Variants in LRRC41 observed in about 807,000 individuals in gnomAD.
The protein encoded by LRRC41 is leucine-rich repeat-containing protein 41.
Under a neutral mutation model 72.1 loss-of-function variants are expected in LRRC41, and 17 were observed. That is an observed-to-expected ratio of 0.24 (90% CI 0.16 to 0.35). The LOEUF is 0.35. Among genes scored for constraint, LRRC41 ranks in the 10% least tolerant of loss-of-function variants. The probability of loss-of-function intolerance (pLI) is 1.00; values close to 1 mark genes in which losing one functional copy is unlikely to be tolerated. For synonymous variants in LRRC41, 427 were observed against 431.0 expected, an observed-to-expected ratio of 0.99 and a Z score of 0.11; for missense variants, 759 against 1,065.0, an observed-to-expected ratio of 0.71 and a Z score of 4.00.
rs1206825948 is a variant in LRRC41, at chr1:46,280,556, G to A, written c.1761C>T (p.Asn587=). 4 of 1,613,534 alleles carry A rather than the reference G, an allele frequency of 2.5e-6. No individual in the cohort carries two copies. The highest frequency in any genetic ancestry group is 3.3e-5 in the Admixed American group (2 of 60,002). Residue 587 remains asparagine, a synonymous_variant, in exon 6 of 10, where the codon AAC becomes AAT. Transcript: ENST00000617190. ...ATCCCATCTCCAACTGCTCCAGGCA[G>A]TTTTCTGGATATGGTGGGGAAAGAA... ...HIIGDEEIPE[N]CLEQLEMGFP... is the part of the protein sequence containing the mutation.
chr1:46,301,865 T>A, intron 1 of LRRC41: 13 of 649,136 alleles, frequency 2.0e-5, no homozygotes, highest in East Asian at 1.5e-4. Context: ...GCCTGCCACC[T>A]CTTCGCCCAA....
Position 46,278,869 on chromosome 1 carries a change from A to G in LRRC41, c.2435T>C (p.Met812Thr), listed in dbSNP as rs770724858. Reference sequence around the variant, plus strand: ...GACTGTGAGGTACGGGCCCCATCACATGGTGCTAACATAATCTGCGAAGGC... The same window carrying G: ...GACTGTGAGGTACGGGCCCCATCACGTGGTGCTAACATAATCTGCGAAGGC... Reference protein sequence around the residue: ...SQAFADYVSTM With the variant: ...SQAFADYVSTT Residue 812 changes from methionine (M) to threonine (T), a missense_variant, in exon 10 of 10, where the codon ATG (methionine) becomes ACG (threonine). Met to Thr is a moderately conservative substitution (Grantham distance 81). Around this residue, in one of 4 missense-constraint regions of LRRC41, gnomAD observed 110 missense variants for 227.0 expected, o/e 0.48. Transcript: ENST00000617190. The G allele has an allele frequency of 3.7e-6, 6 of 1,608,202 alleles. No individual in the cohort carries two copies. The highest frequency in any genetic ancestry group is 1.7e-4 in the Middle Eastern group (1 of 6,052).
At position 46,302,259 on chromosome 1, in the gene LRRC41, C is replaced by T; in HGVS notation, c.199+865G>A. 1 of 985,398 alleles carries T rather than the reference C, an allele frequency of 1.0e-6. No individual in the cohort carries two copies. The allele number at this position is 985,398 out of a possible 1,614,324, so 61.0% of individuals were successfully genotyped here. A position where few individuals can be genotyped will look rare whatever the true frequency, so the allele number is the denominator to read the frequency against. On this transcript the variant is annotated intron_variant, in intron 1 of 9. Transcript: ENST00000617190. The surrounding 1 kb of genome is among the most constrained non-coding windows in gnomAD (Gnocchi z 4.7). Reference sequence around the variant, plus strand: ...CACGGCAGCCCGGCAGTCCGGGATCCCCGGGCCGTCGCCCCGCTTGGGGCC... The same window carrying T: ...CACGGCAGCCCGGCAGTCCGGGATCTCCGGGCCGTCGCCCCGCTTGGGGCC...
intron 3 of LRRC41, among the ~76,000 whole-genome samples, chr1:46,293,046 T>C (rs1661049081): frequency 6.6e-6 from 1 of 152,112 alleles, no homozygotes; most frequent in Non-Finnish European, 1.5e-5. Context: ...TAGCTGGGCA[T>C]GGTGGCACGC....
At chr1:46,289,581 TG>T (rs1293855613) in intron 3 of LRRC41, among the ~76,000 whole-genome samples, 1 of 151,898 alleles carries the variant, frequency 6.6e-6, no homozygotes, top group African/African-American at 2.4e-5. Flanking sequence ...GCTAACACGG[TG>T]AAACCCTGTC....
At position 46,302,146 on chromosome 1, in the gene LRRC41, G is replaced by T; in HGVS notation, c.199+978C>A. 4 of 984,976 alleles carry T rather than the reference G, an allele frequency of 4.1e-6. No individual in the cohort carries two copies. The highest frequency in any genetic ancestry group is 4.8e-6 in the Non-Finnish European group (4 of 829,794). The allele number at this position is 984,976 out of a possible 1,614,324, so 61.0% of individuals were successfully genotyped here. A position where few individuals can be genotyped will look rare whatever the true frequency, so the allele number is the denominator to read the frequency against. ...CCCAGGCCGCCCTCCATCCAGGCCC[G>T]GCCCTTTGGTCCCGGCCGCCTTCAG... is the stretch of plus-strand genomic sequence containing the variant. On this transcript the variant is annotated intron_variant, in intron 1 of 9. Transcript: ENST00000617190. The surrounding 1 kb of genome is among the most constrained non-coding windows in gnomAD (Gnocchi z 4.7).
chr1:46,302,107 G>T lies in LRRC41; in HGVS notation c.199+1017C>A, dbSNP rs1661245617. ...ACTGGCCGGTTCGCCCTCCCCGGCCGTTCATCCCGGCGCCCCAGGCCGCCC... is the reference window on the plus strand; with the variant it reads ...ACTGGCCGGTTCGCCCTCCCCGGCCTTTCATCCCGGCGCCCCAGGCCGCCC... On this transcript the variant is annotated intron_variant, in intron 1 of 9. Coordinates refer to ENST00000617190, the MANE Select transcript of LRRC41 (RefSeq NM_006369.5). The surrounding 1 kb of genome is among the most constrained non-coding windows in gnomAD (Gnocchi z 4.7). 1 of 985,086 alleles carries T rather than the reference G, an allele frequency of 1.0e-6. No homozygotes were observed. The highest frequency in any genetic ancestry group is 6.2e-5 in the Admixed American group (1 of 16,254). 61.0% of individuals were successfully genotyped at this position (985,086 alleles called of 1,614,324 possible). A position where few individuals can be genotyped will look rare whatever the true frequency, so the allele number is the denominator to read the frequency against.
At position 46,293,177 on chromosome 1, in the gene LRRC41, C is replaced by T. The variant is rs1198561052; in HGVS notation, c.357+4386G>A. ...CCAGCCTGGCGACAGAGCGAGATTT[C>T]GTCTCAAAAAAAAAAAAAAATTAGT... is the stretch of plus-strand genomic sequence containing the variant. On this transcript the variant is annotated intron_variant, in intron 3 of 9. Coordinates refer to ENST00000617190, the MANE Select transcript of LRRC41 (RefSeq NM_006369.5). 4.0e-5 allele frequency among the ~76,000 whole-genome samples: 6 copies of T among 148,848 alleles called. No homozygotes were observed. In the East Asian group the frequency reaches 7.9e-4, roughly 20 times the overall value.
rs1158063966 is a variant in LRRC41 at position 46,302,529 on chromosome 1, C to T, written c.199+595G>A. On this transcript the variant is annotated intron_variant, in intron 1 of 9. Transcript: ENST00000617190. The surrounding 1 kb of genome is among the most constrained non-coding windows in gnomAD (Gnocchi z 4.7). ...GTCAGACAGGCCGCGGCGCCCCGAC[C>T]CTTTCGTTCGGCCTCTCCCCCTGCC... 2 of 984,650 alleles carry T rather than the reference C, an allele frequency of 2.0e-6. No individual in the cohort carries two copies. Among genetic ancestry groups the T allele is most frequent in the African/African-American group, 3.5e-5 (2 of 57,000 alleles). 61.0% of individuals were successfully genotyped at this position (984,650 alleles called of 1,614,324 possible).
At position 46,303,066 on chromosome 1, in the gene LRRC41, C is replaced by G; in HGVS notation, c.199+58G>C. The G allele has an allele frequency of 4.5e-6, 6 of 1,342,516 alleles. No individual in the cohort carries two copies. The African/African-American group carries it at 6.1e-5, about 14-fold the overall frequency. 83.2% of individuals were successfully genotyped at this position (1,342,516 alleles called of 1,614,324 possible). A position where few individuals can be genotyped will look rare whatever the true frequency, so the allele number is the denominator to read the frequency against. On this transcript the variant is annotated intron_variant, in intron 1 of 9. Transcript: ENST00000617190. The stretch of plus-strand genomic sequence containing the variant: ...TCCCGGCCTCGCCCCCCGCGCCCCC[C>G]GGCCGCTGGGCCGCCCCTTGCTCTT...
In LRRC41 at chr1:46,279,442, T is replaced by C; in HGVS notation, c.2143+50A>G. The C allele has an allele frequency of 6.2e-7, 1 of 1,613,846 alleles. No homozygotes were observed. Among genetic ancestry groups the C allele is most frequent in the Non-Finnish European group, 8.5e-7 (1 of 1,179,846 alleles). On this transcript the variant is annotated intron_variant, in intron 8 of 9. Coordinates refer to ENST00000617190, the MANE Select transcript of LRRC41 (RefSeq NM_006369.5). This position sits in a 1 kb window ranked among gnomAD's most constrained non-coding sequence, Gnocchi z 4.5. ...TGCCTTTATCCAGTGAGTTTTTAGG[T>C]CAAAGGCCTAGCTCCTTTCCCCTCT...
intron 3 of LRRC41, chr1:46,296,801 G>A (rs2148325255): frequency 6.6e-6 from 1 of 152,252 alleles, no homozygotes. Flanking sequence ...ATAAGCTCAG[G>A]GTTTAAGCTT....
In LRRC41 at chr1:46,303,206, G is replaced by T. The variant is rs749873500; in HGVS notation, c.117C>A (p.Gly39=). The T allele has an allele frequency of 6.4e-7, 1 of 1,568,294 alleles. No individual in the cohort carries two copies. The highest frequency in any genetic ancestry group is 1.2e-5 in the South Asian group (1 of 85,816). ...CGAACAGGGCGGGGGGAGCGTTGGG[G>T]CCCGAGGCCGAGCTCTTCGCTGGCG... is the stretch of plus-strand genomic sequence containing the variant. ...EAAPAKSSAS[G]PNAPPALFEL... The change falls in exon 1 of 10, where the codon GGC becomes GGA. Residue 39 remains glycine, a synonymous_variant. Transcript: ENST00000617190.
chr1:46,280,916 T>C (rs557392576), intron 5 of LRRC41, among the ~76,000 whole-genome samples: 7 of 152,310 alleles, frequency 4.6e-5, no homozygotes, highest in Admixed American at 1.3e-4. Flanking sequence ...CAAGCTGCCT[T>C]GGTCACTCTC....
intron 3 of LRRC41, chr1:46,297,240 G>C: frequency 4.4e-6 from 1 of 226,790 alleles, no homozygotes; most frequent in Non-Finnish European, 8.8e-6. Flanking sequence ...ACTCATTGAA[G>C]TATTGGTGTA....
chr1:46,280,171 G>C, intron 7 of LRRC41, 21 bp downstream of exon 7: 1 of 1,587,044 alleles, frequency 6.3e-7, no homozygotes, highest in African/African-American at 1.3e-5. Flanking sequence ...GAAATGTCCA[G>C]GTTCTGAATA....
Position 46,285,345 on chromosome 1 carries a change from C to T in LRRC41, c.1495+17G>A. 6.2e-7 allele frequency: 1 copy of T among 1,613,138 alleles called. No homozygotes were observed. Among genetic ancestry groups the T allele is most frequent in the Non-Finnish European group, 8.5e-7 (1 of 1,179,580 alleles). On this transcript the variant is annotated intron_variant, in intron 4 of 9. Coordinates refer to ENST00000617190, the MANE Select transcript of LRRC41 (RefSeq NM_006369.5). The surrounding 1 kb of genome is among the most constrained non-coding windows in gnomAD (Gnocchi z 5.3). The stretch of plus-strand genomic sequence containing the variant: ...TAGGCAATCTAAGCCCAATCCCTGC[C>T]ACTCCAGGGTGCTCACCATTGTAGG...
rs1249310541 is a variant in LRRC41, at chr1:46,285,332, G to A, written c.1495+30C>T. The stretch of plus-strand genomic sequence containing the variant: ...CAGCTGGTGCTGCTAGGCAATCTAA[G>A]CCCAATCCCTGCCACTCCAGGGTGC... On this transcript the variant is annotated intron_variant, in intron 4 of 9. Transcript: ENST00000617190. This position sits in a 1 kb window ranked among gnomAD's most constrained non-coding sequence, Gnocchi z 5.3. The A allele has an allele frequency of 3.1e-6, 5 of 1,609,500 alleles. No individual in the cohort carries two copies. The highest frequency in any genetic ancestry group is 4.2e-6 in the Non-Finnish European group (5 of 1,177,812).
At position 46,277,619 on chromosome 1, in the gene LRRC41, T is replaced by G. The variant is rs898107589; in HGVS notation, c.*1246A>C. ...TAGAAAGTAGCCTGGGTGGGCAGAC[T>G]ATTCATGTCATGTTCTCAGGAGACA... On this transcript the variant is annotated 3_prime_UTR_variant, in exon 10 of 10. Transcript: ENST00000617190. 7 of 650,620 alleles carry G rather than the reference T, an allele frequency of 1.1e-5. No individual in the cohort carries two copies. The Admixed American group carries it at 1.3e-4, about 12-fold the overall frequency. The allele number at this position is 650,620 out of a possible 1,614,324, so 40.3% of individuals were successfully genotyped here. A position where few individuals can be genotyped will look rare whatever the true frequency, so the allele number is the denominator to read the frequency against.
Sources: gnomAD v4.1 joint callset for allele counts (sites outside exome capture counted in the v4.1 genomes callset) on GRCh38, gnomAD v4.1.1 for gene constraint, gnomAD v4.1.1 regional missense constraint, Gnocchi (gnomAD v3.1) non-coding constraint, MANE v1.5 for transcripts, NCBI Gene and HGNC (gene_info 2026-07-23, HGNC 2026-07-21) for gene names.